The following PPM1G variants were observed in gnomAD, a reference collection of about 807,000 sequenced individuals.
The protein encoded by PPM1G is protein phosphatase 1G.
PPM1G carries 12 observed loss-of-function variants against 59.4 expected under a neutral mutation model. That is an observed-to-expected ratio of 0.20 (90% CI 0.13 to 0.33). The LOEUF (loss-of-function observed/expected upper bound fraction) is 0.33. Ranked by LOEUF, PPM1G falls within the 10% of genes least tolerant of loss-of-function variation. The probability of loss-of-function intolerance (pLI) is 1.00; values close to 1 mark genes in which losing one functional copy is unlikely to be tolerated. For missense variants in PPM1G, 392 were observed against 681.3 expected (o/e 0.58, Z 4.73); for synonymous variants, 245 against 251.9 (o/e 0.97, Z 0.26).
chr2:27,399,843 C>T lies in PPM1G; in HGVS notation c.120+9460G>A, dbSNP rs181648060. Among the ~76,000 whole-genome samples the T allele has an allele frequency of 3.1e-3, 464 of 151,228 alleles. 1 individual carries two copies. The highest frequency in any genetic ancestry group is 6.8e-3 in the Middle Eastern group (2 of 294). On this transcript the variant is annotated intron_variant, in intron 1 of 9. Transcript: ENST00000344034. The stretch of plus-strand genomic sequence containing the variant: ...TAGCAGTTTCTCAAAATGTTAAACA[C>T]GTAGTTACCATATGACCCAGCACTT...
chr2:27,406,709 C>G (rs1435465228), intron 1 of PPM1G, among the ~76,000 whole-genome samples: 3 of 151,920 alleles, frequency 2.0e-5, no homozygotes, highest in Admixed American at 1.3e-4. Context: ...GGCAAACCAA[C>G]GTGAAACACT....
chr2:27,388,160 C>G (rs1283532336), intron 1 of PPM1G, among the ~76,000 whole-genome samples: 1 of 152,094 alleles, frequency 6.6e-6, no homozygotes, highest in East Asian at 2.0e-4. Context: ...CCTGTAATCC[C>G]AGCACTTTGG....
intron 1 of PPM1G, among the ~76,000 whole-genome samples, chr2:27,396,153 T>G (rs1308739613): frequency 6.6e-6 from 1 of 152,138 alleles, no homozygotes; most frequent in Non-Finnish European, 1.5e-5. Flanking sequence ...GCACCTGTAA[T>G]CCCAGCTACG....
In PPM1G at chr2:27,381,539, TCA is replaced by T; in HGVS notation, c.*58_*59del. ...TAAGGCTAAAGGAAAAAGACAAAAC[TCA>T]GTCTCAGGTCCGGAGGGCTCAGAAA... On this transcript the variant is annotated 3_prime_UTR_variant, in exon 10 of 10. Transcript: ENST00000344034. 1 of 1,595,644 alleles carries T rather than the reference TCA, an allele frequency of 6.3e-7. No individual in the cohort carries two copies. Among genetic ancestry groups the T allele is most frequent in the Non-Finnish European group, 8.6e-7 (1 of 1,163,978 alleles).
At chr2:27,392,545 T>C (rs1683939858) in intron 1 of PPM1G, among the ~76,000 whole-genome samples, 1 of 133,396 alleles carries the variant, frequency 7.5e-6, no homozygotes. Context: ...TCCTCCCGCC[T>C]CAGCCTCCCA....
chr2:27,393,096 C>A lies in PPM1G; in HGVS notation c.121-5938G>T, dbSNP rs982621554. 3.1e-6 allele frequency: 4 copies of A among 1,272,582 alleles called. No individual in the cohort carries two copies. The Admixed American group carries it at 6.7e-5, about 21-fold the overall frequency. The allele number at this position is 1,272,582 out of a possible 1,614,324, so 78.8% of individuals were successfully genotyped here. ...GCTCTCCCATCGCATTCTCCCCGCA[C>A]AGTCTGGTTTCTTGATATCCTGAAG... On this transcript the variant is annotated intron_variant, in intron 1 of 9. Transcript: ENST00000344034.
intron 1 of PPM1G, among the ~76,000 whole-genome samples, chr2:27,394,847 C>T (rs1684007647): frequency 6.6e-6 from 1 of 151,870 alleles, no homozygotes; most frequent in African/African-American, 2.4e-5. Flanking sequence ...CAATGGCCAC[C>T]CATTTCCAAT....
chr2:27,406,483 T>C (rs1376390354), intron 1 of PPM1G, among the ~76,000 whole-genome samples: 1 of 152,212 alleles, frequency 6.6e-6, no homozygotes, highest in Non-Finnish European at 1.5e-5. Context: ...GGCATATTTA[T>C]TCAAACAAGG....
chr2:27,405,433 G>A (rs1294938437), intron 1 of PPM1G, among the ~76,000 whole-genome samples: 1 of 151,822 alleles, frequency 6.6e-6, no homozygotes, highest in Non-Finnish European at 1.5e-5. Flanking sequence ...GGAGGAAGGA[G>A]GAGAACATCA....
chr2:27,391,778 G>C (rs1404052269), intron 1 of PPM1G, among the ~76,000 whole-genome samples: 4 of 150,420 alleles, frequency 2.7e-5, no homozygotes, highest in Non-Finnish European at 5.9e-5. Context: ...TGTTGCCAGG[G>C]TGGAGTGCAG....
In PPM1G at chr2:27,382,418, C is replaced by T; in HGVS notation, c.1331+58G>A. On this transcript the variant is annotated intron_variant, in intron 8 of 9. Coordinates refer to ENST00000344034, the MANE Select transcript of PPM1G (RefSeq NM_177983.3). The surrounding 1 kb of genome is among the most constrained non-coding windows in gnomAD (Gnocchi z 4.2). ...CTCTAATCCTAGAGGTGCCCTGAGT[C>T]CTATAAGAGAAGACATGCTGCAGAA... is the stretch of plus-strand genomic sequence containing the variant. 2 of 1,608,558 alleles carry T rather than the reference C, an allele frequency of 1.2e-6. No individual in the cohort carries two copies. Among genetic ancestry groups the T allele is most frequent in the Non-Finnish European group, 8.5e-7 (1 of 1,177,452 alleles).
Position 27,382,051 on chromosome 2 carries a change from G to A in PPM1G, c.1434+75C>T, listed in dbSNP as rs545508049. Reference sequence around the variant, plus strand: ...TTACTGATAATGCTCCCAGATTGCCGACTTAGCTCAGATTAAAAGAGTGAA... The same window carrying A: ...TTACTGATAATGCTCCCAGATTGCCAACTTAGCTCAGATTAAAAGAGTGAA... On this transcript the variant is annotated intron_variant, in intron 9 of 9. Coordinates refer to ENST00000344034, the MANE Select transcript of PPM1G (RefSeq NM_177983.3). The surrounding 1 kb of genome is among the most constrained non-coding windows in gnomAD (Gnocchi z 4.2). 7.6e-6 allele frequency: 11 copies of A among 1,439,578 alleles called. No individual in the cohort carries two copies. Among genetic ancestry groups the A allele is most frequent in the South Asian group, 2.3e-5 (2 of 86,640 alleles). 89.2% of individuals were successfully genotyped at this position (1,439,578 alleles called of 1,614,324 possible).
chr2:27,398,994 AT>A (rs1684119317), intron 1 of PPM1G, among the ~76,000 whole-genome samples: 1 of 151,514 alleles, frequency 6.6e-6, no homozygotes, highest in African/African-American at 2.4e-5. Flanking sequence ...AAAATAAAAA[AT>A]TAGCTGGGAG....
chr2:27,383,693 G>A lies in PPM1G; in HGVS notation c.967-93C>T. On this transcript the variant is annotated intron_variant, in intron 6 of 9. Coordinates refer to ENST00000344034, the MANE Select transcript of PPM1G (RefSeq NM_177983.3). The surrounding 1 kb of genome is among the most constrained non-coding windows in gnomAD (Gnocchi z 5.0). The stretch of plus-strand genomic sequence containing the variant: ...TCGTTCACCTATGCTTGCTTTCACT[G>A]GGACCCCCAAAAGAGCTTTAACAAA... 4 of 1,317,816 alleles carry A rather than the reference G, an allele frequency of 3.0e-6. No homozygotes were observed. The highest frequency in any genetic ancestry group is 3.1e-6 in the Non-Finnish European group (3 of 959,972). The allele number at this position is 1,317,816 out of a possible 1,614,324, so 81.6% of individuals were successfully genotyped here.
chr2:27,405,694 C>A (rs1663340588), intron 1 of PPM1G, among the ~76,000 whole-genome samples: 2 of 151,920 alleles, frequency 1.3e-5, no homozygotes, highest in Non-Finnish European at 2.9e-5. Context: ...CACGACTGGC[C>A]TGTGGTATTT....
At chr2:27,399,859 C>T (rs939907428) in intron 1 of PPM1G, among the ~76,000 whole-genome samples, 4 of 151,694 alleles carry the variant, frequency 2.6e-5, no homozygotes, top group African/African-American at 7.3e-5. Context: ...TACCATATGA[C>T]CCAGCACTTC....
rs1683636972 is a variant in PPM1G, at chr2:27,381,764, A to G, written c.1476T>C (p.Gly492=). 3 of 1,613,268 alleles carry G rather than the reference A, an allele frequency of 1.9e-6. No individual in the cohort carries two copies. Among genetic ancestry groups the G allele is most frequent in the Admixed American group, 1.7e-5 (1 of 59,960 alleles). The change falls in exon 10 of 10, where the codon GGT becomes GGC. Residue 492 remains glycine (G), a synonymous_variant. Transcript: ENST00000344034. The part of the protein sequence containing the change: ...QCLAPDTSGD[G]TGCDNMTCII... ...TGCAGGTCATGTTGTCACACCCTGT[A>G]CCATCCCCAGAAGTGTCTGGTGCCA...
At chr2:27,402,456 G>A (rs1318130312) in intron 1 of PPM1G, among the ~76,000 whole-genome samples, 12 of 152,146 alleles carry the variant, frequency 7.9e-5, no homozygotes, top group Admixed American at 3.3e-4. Flanking sequence ...TGAGGAATAC[G>A]TTCTGATTGT....
In PPM1G at chr2:27,385,886, A is replaced by G. The variant is rs1683752211; in HGVS notation, c.277-7T>C. 1.2e-6 allele frequency: 2 copies of G among 1,610,032 alleles called. No individual in the cohort carries two copies. Among genetic ancestry groups the G allele is most frequent in the African/African-American group, 1.3e-5 (1 of 74,568 alleles). The stretch of plus-strand genomic sequence containing the variant: ...AGAAGGCATCTTCTAAAGCCTGAAT[A>G]TAAGCAAAATAGTCTAAGACTAGTA... On this transcript the variant is annotated splice_region_variant and splice_polypyrimidine_tract_variant and intron_variant, in intron 3 of 9. Coordinates refer to ENST00000344034, the MANE Select transcript of PPM1G (RefSeq NM_177983.3). The surrounding 1 kb of genome is among the most constrained non-coding windows in gnomAD (Gnocchi z 4.1).
Sources: gnomAD v4.1 joint callset for allele counts (sites outside exome capture counted in the v4.1 genomes callset) on GRCh38, gnomAD v4.1.1 for gene constraint, Gnocchi (gnomAD v3.1) non-coding constraint, MANE v1.5 for transcripts, NCBI Gene and HGNC (gene_info 2026-07-23, HGNC 2026-07-21) for gene names.